CHTF18: variants seen among roughly 807,000 people sequenced by gnomAD.
CHTF18 encodes chromosome transmission fidelity protein 18 homolog.
In CHTF18, 151 loss-of-function variants were observed where a neutral mutation model predicts 113.4. That is an observed-to-expected ratio of 1.33 (90% CI 1.17 to 1.52). The LOEUF is 1.52. Among genes scored for constraint, CHTF18 ranks in the 40% most tolerant of loss-of-function variants. The pLI is 0.00. For synonymous variants in CHTF18, 916 were observed against 598.8 expected (o/e 1.53, Z -7.74); for missense variants, 1,982 against 1,381.6 (o/e 1.43, Z -6.89).
chr16:793,623 C>G (rs1567400845), intron 14 of CHTF18: 1 of 529,794 alleles, frequency 1.9e-6, no homozygotes, highest in Non-Finnish European at 3.5e-6. Context: ...CTCTGAGCCC[C>G]TGCCTGCCCA....
intron 7 of CHTF18, 120 bp downstream of exon 7, chr16:790,786 G>C: frequency 7.0e-7 from 1 of 1,437,274 alleles, no homozygotes; most frequent in Middle Eastern, 2.6e-4. Flanking sequence ...GTGGGCTCTG[G>C]TTTGCCCTTT....
chr16:792,452 T>A lies in CHTF18; in HGVS notation c.1340T>A (p.Val447Asp). The change falls in exon 11 of 22, where the codon GTC (valine) becomes GAC (aspartate). Residue 447 changes from valine (V) to aspartate (D), a missense_variant. Transcript: ENST00000262315. ...ACCTCCCCCAAGGCCGCCATCAACG[T>A]CCTCCTGAGCATCCTGAACCGCAAG... ...IDGAPVAAIN[V>D]LLSILNRKGP... 1 of 1,568,354 alleles carries A rather than the reference T, an allele frequency of 6.4e-7. No individual in the cohort carries two copies. The highest frequency in any genetic ancestry group is 1.2e-5 in the South Asian group (1 of 86,090).
rs367675878 is a variant in CHTF18, at chr16:795,744, G to A, written c.2235G>A (p.Ala745=). The change falls in exon 17 of 22, where the codon GCG becomes GCA. Residue 745 remains alanine, a synonymous_variant. Transcript: ENST00000262315. The part of the protein sequence containing the change: ...NLIQTLVSGI[A]PATRSRATPQ... ...TCCAGACGCTGGTGTCCGGCATCGC[G>A]CCAGCCACGCGCAGCCGGGCCACGC... is the stretch of plus-strand genomic sequence containing the variant. 54 of 1,607,508 alleles carry A rather than the reference G, an allele frequency of 3.4e-5. No homozygotes were observed. The African/African-American group carries it at 5.2e-4, about 15-fold the overall frequency.
chr16:796,923 C>T (rs527457368), intron 19 of CHTF18, 38 bp from the exon 20 acceptor site: 1 of 1,535,082 alleles, frequency 6.5e-7, no homozygotes, highest in South Asian at 1.3e-5. Context: ...CCACTGTATC[C>T]CTGTGTGGCC....
chr16:796,557 C>T (rs1266354793), intron 18 of CHTF18, 160 bp from the exon 19 acceptor site: 10 of 833,096 alleles, frequency 1.2e-5, no homozygotes, highest in South Asian at 5.9e-5. Flanking sequence ...GCAGTTAAAC[C>T]TGGCTGCCGC....
At position 791,186 on chromosome 16, in the gene CHTF18, G is replaced by A; in HGVS notation, c.920G>A (p.Trp307Ter). 1 of 1,611,620 alleles carries A rather than the reference G, an allele frequency of 6.2e-7. No homozygotes were observed. The highest frequency in any genetic ancestry group is 8.5e-7 in the Non-Finnish European group (1 of 1,179,530). ...TTCACCAACCGCTGCCTGCTCAAGT[G>A]GCTGAAGTTGTGGGACCTGGTGGTG... ...DDFTNRCLLK[W>*]LKLWDLVVFG... is the part of the protein sequence containing the mutation. The change falls in exon 8 of 22, where the codon TGG (tryptophan) becomes TAG (stop). Residue 307 changes from tryptophan to a stop codon, truncating the protein, a stop_gained. Coordinates refer to ENST00000262315, the MANE Select transcript of CHTF18 (RefSeq NM_022092.3). LOFTEE classifies it high-confidence loss of function.
At position 796,757 on chromosome 16, in the gene CHTF18, C is replaced by T. The variant is rs199515553; in HGVS notation, c.2497C>T (p.Arg833Cys). 752 of 1,607,152 alleles carry T rather than the reference C, an allele frequency of 4.7e-4. No homozygotes were observed. The highest frequency in any genetic ancestry group is 4.4e-4 in the Non-Finnish European group (522 of 1,179,522). The change falls in exon 19 of 22, where the codon CGC becomes TGC. Residue 833 changes from arginine to cysteine, a missense_variant. Physicochemically the swap from Arg to Cys is radical, Grantham distance 180 (BLOSUM62 -3). Transcript: ENST00000262315. ...CTGCCGCTTCCCTGAGCTGCCTGCC[C>T]GCAAGCCCCTCACCTACCAGACGAA... ...ELCRFPELPA[R>C]KPLTYQTKQL... is the part of the protein sequence containing the mutation.
chr16:791,967 G>T lies in CHTF18; in HGVS notation c.1202+19G>T, dbSNP rs745699369. ...ACGCCAGGTGAGTGATGTGAGGTCC[G>T]TCTCTGGCTCGCCTTCTGTCCTGAC... On this transcript the variant is annotated intron_variant, in intron 9 of 21. Coordinates refer to ENST00000262315, the MANE Select transcript of CHTF18 (RefSeq NM_022092.3). 4.4e-6 allele frequency: 7 copies of T among 1,595,596 alleles called. No homozygotes were observed. Among genetic ancestry groups the T allele is most frequent in the Non-Finnish European group, 6.0e-6 (7 of 1,171,772 alleles).
In CHTF18 at chr16:796,091, T is replaced by C. The variant is rs914844313; in HGVS notation, c.2456+14T>C. Reference sequence around the variant, plus strand: ...CAGGCTGGAGCCGTGAGTCCCCCAGTGCCTGGGGTGTGCTCCAGGGTCATG... The same window carrying C: ...CAGGCTGGAGCCGTGAGTCCCCCAGCGCCTGGGGTGTGCTCCAGGGTCATG... On this transcript the variant is annotated intron_variant, in intron 18 of 21. Coordinates refer to ENST00000262315, the MANE Select transcript of CHTF18 (RefSeq NM_022092.3). 3.1e-6 allele frequency: 5 copies of C among 1,594,158 alleles called. No individual in the cohort carries two copies. In the East Asian group the frequency reaches 1.1e-4, roughly 36 times the overall value.
In CHTF18 at chr16:791,154, C is replaced by A; in HGVS notation, c.895-7C>A. 6.2e-7 allele frequency: 1 copy of A among 1,607,458 alleles called. No individual in the cohort carries two copies. The highest frequency in any genetic ancestry group is 1.3e-5 in the African/African-American group (1 of 75,002). ...AGGCTGTGCTTCCCTTCCCGTCCTT[C>A]CCGCAGTTCACCAACCGCTGCCTGC... On this transcript the variant is annotated splice_region_variant and splice_polypyrimidine_tract_variant and intron_variant, in intron 7 of 21. Coordinates refer to ENST00000262315, the MANE Select transcript of CHTF18 (RefSeq NM_022092.3).
In CHTF18 at chr16:792,419, G is replaced by A; in HGVS notation, c.1327-20G>A. 1 of 1,560,104 alleles carries A rather than the reference G, an allele frequency of 6.4e-7. No individual in the cohort carries two copies. The highest frequency in any genetic ancestry group is 8.7e-7 in the Non-Finnish European group (1 of 1,152,696). ...GGGCAGCAGGGCCTGGACTCACCGT[G>A]TCCTCTGACCTCCCCCAAGGCCGCC... On this transcript the variant is annotated intron_variant, in intron 10 of 21. Coordinates refer to ENST00000262315, the MANE Select transcript of CHTF18 (RefSeq NM_022092.3).
chr16:789,442 C>G, intron 3 of CHTF18, 82 bp downstream of exon 3: 1 of 1,536,608 alleles, frequency 6.5e-7, no homozygotes, highest in Non-Finnish European at 8.8e-7. Context: ...TGGATGAGGC[C>G]TGGGGGGTGG....
In CHTF18 at chr16:788,963, CT is replaced by C. The variant is rs770957334; in HGVS notation, c.125del (p.Leu42ArgfsTer69). 2.5e-6 allele frequency: 4 copies of C among 1,570,730 alleles called. No homozygotes were observed. Among genetic ancestry groups the C allele is most frequent in the Non-Finnish European group, 3.4e-6 (4 of 1,166,070 alleles). On this transcript the variant is annotated frameshift_variant, in exon 2 of 22. Coordinates refer to ENST00000262315, the MANE Select transcript of CHTF18 (RefSeq NM_022092.3). LOFTEE classifies it high-confidence loss of function. ...ASTPSPSGVP[L>X]FTAGRPPRTF... ...GACTCCGTCGCCCTCCGGGGTCCCC[CT>C]GTTCACCGCGGGCCGACCCCCGCGG...
intron 15 of CHTF18, among the ~76,000 whole-genome samples, chr16:794,541 A>T (rs1440687683): frequency 6.6e-6 from 1 of 152,148 alleles, no homozygotes; most frequent in Non-Finnish European, 1.5e-5. Context: ...TCTGGACTTA[A>T]GATGCACATG....
In CHTF18 at chr16:788,734, A is replaced by G. The variant is rs1489143431; in HGVS notation, c.50A>G (p.Asn17Ser). 4.4e-6 allele frequency: 7 copies of G among 1,602,822 alleles called. No homozygotes were observed. In the African/African-American group the frequency reaches 6.7e-5, roughly 15 times the overall value. Residue 17 changes from asparagine to serine, a missense_variant, in exon 1 of 22, where the codon AAC becomes AGC. Transcript: ENST00000262315. ...TGCGGCGTCGAGGATGATTTCCACA[A>G]CCAGTTCGCGGCCGAGCTGGAGGTG... ...ELCGVEDDFH[N>S]QFAAELEVLA...
chr16:792,728 T>C lies in CHTF18; in HGVS notation c.1489T>C (p.Ser497Pro). ...ICICNDQFAPSLRQLKQQAFL... is the reference protein window; with the variant it reads ...ICICNDQFAPPLRQLKQQAFL... ...GCCGCCTCTCCTCAGGTTCGCACCG[T>C]CCCTGCGGCAGCTGAAGCAGCAGGC... The change falls in exon 12 of 22, where the codon TCC becomes CCC. Residue 497 changes from serine to proline, a missense_variant. Coordinates refer to ENST00000262315, the MANE Select transcript of CHTF18 (RefSeq NM_022092.3). The C allele has an allele frequency of 6.4e-7, 1 of 1,559,830 alleles. No homozygotes were observed. Among genetic ancestry groups the C allele is most frequent in the East Asian group, 2.4e-5 (1 of 42,094 alleles).
At chr16:797,224 C>A in intron 20 of CHTF18, 132 bp downstream of exon 20, 5 of 1,102,406 alleles carry the variant, frequency 4.5e-6, no homozygotes, top group Non-Finnish European at 6.1e-6. Context: ...GGCTAGGGCC[C>A]CTCATGAGGC....
chr16:791,553 T>A, intron 8 of CHTF18, 183 bp downstream of exon 8: 13 of 1,435,166 alleles, frequency 9.1e-6, no homozygotes, highest in Non-Finnish European at 1.2e-5. Context: ...GGGAAGTCGT[T>A]GTCCCTGAAG....
rs771143718 is a variant in CHTF18 at position 797,103 on chromosome 16, G to C, written c.2733+11G>C. The stretch of plus-strand genomic sequence containing the variant: ...GCCCGGGAGGAACAGGTGTGGAATG[G>C]GCAGCTGTGGGGGTGGGACCAGGGT... On this transcript the variant is annotated intron_variant, in intron 20 of 21. Transcript: ENST00000262315. The C allele has an allele frequency of 2.7e-6, 4 of 1,503,208 alleles. No homozygotes were observed. The highest frequency in any genetic ancestry group is 4.5e-5 in the Admixed American group (2 of 44,920). 93.1% of individuals were successfully genotyped at this position (1,503,208 alleles called of 1,614,324 possible). A position where few individuals can be genotyped will look rare whatever the true frequency, so the allele number is the denominator to read the frequency against.
Sources: allele counts gnomAD v4.1 joint callset (sites outside exome capture counted in the v4.1 genomes callset), GRCh38; gene constraint gnomAD v4.1.1; transcripts MANE v1.5; gene names NCBI Gene and HGNC (gene_info 2026-07-23, HGNC 2026-07-21).